DPH6: variants seen among roughly 807,000 people sequenced by gnomAD.
DPH6 encodes diphthine--ammonia ligase.
Under a neutral mutation model 38.2 loss-of-function variants are expected in DPH6, and 33 were observed. The ratio of observed to expected loss-of-function variants is 0.86; its 90% CI spans 0.65 to 1.15. The LOEUF (loss-of-function observed/expected upper bound fraction) is 1.15, where lower values mean the gene tolerates loss of function less well. Ranked by LOEUF, DPH6 falls within the 50% of genes most tolerant of loss-of-function variation. The probability of loss-of-function intolerance (pLI) is 0.00; values close to 1 mark genes in which losing one functional copy is unlikely to be tolerated. For missense variants in DPH6, 325 were observed against 320.0 expected (o/e 1.02, Z -0.12); for synonymous variants, 108 against 103.0 (o/e 1.05, Z -0.30).
intron 3 of DPH6, among the ~76,000 whole-genome samples, chr15:35,314,605 GACA>G (rs1435761653): frequency 6.6e-6 from 1 of 152,112 alleles, no homozygotes; most frequent in African/African-American, 2.4e-5. Flanking sequence ...GTCGGAAGTT[GACA>G]ACAACAGAGA....
the DPH6 span, among the ~76,000 whole-genome samples, chr15:35,155,432 G>A: frequency 1.1e-4 from 17 of 152,302 alleles, no homozygotes; most frequent in African/African-American, 2.9e-4. Flanking sequence ...AATCCTTAGA[G>A]ATTAAGGGTT....
chr15:35,215,284 T>C (rs149471769), downstream of DPH6, among the ~76,000 whole-genome samples: 2 of 152,340 alleles, frequency 1.3e-5, no homozygotes, highest in East Asian at 3.9e-4. Context: ...CAGATGATTG[T>C]CTAGATGTCA....
intron 3 of DPH6, among the ~76,000 whole-genome samples, chr15:35,288,951 C>T (rs934071773): frequency 1.8e-4 from 28 of 152,112 alleles, no homozygotes; most frequent in Non-Finnish European, 2.1e-4. Context: ...GGAAACTACA[C>T]ATCACCAAAA....
At chr15:35,180,622 A>C in the DPH6 span, among the ~76,000 whole-genome samples, 1 of 152,082 alleles carries the variant, frequency 6.6e-6, no homozygotes, top group Non-Finnish European at 1.5e-5. Flanking sequence ...CACCATGCCC[A>C]GATAAGTTTT....
chr15:35,256,771 A>G (rs1484783042), intron 3 of DPH6, among the ~76,000 whole-genome samples: 1 of 152,178 alleles, frequency 6.6e-6, no homozygotes, highest in Non-Finnish European at 1.5e-5. Flanking sequence ...ATGGAAGAAC[A>G]TACATCCTGA....
At chr15:35,400,600 G>A (rs2053204440) in intron 6 of DPH6, 1 of 442,150 alleles carries the variant, frequency 2.3e-6, no homozygotes, top group African/African-American at 2.0e-5. Flanking sequence ...TATAAACCTT[G>A]ACTAACATTT....
chr15:35,223,405 G>A (rs1368641400), intron 3 of DPH6, among the ~76,000 whole-genome samples: 2 of 152,168 alleles, frequency 1.3e-5, no homozygotes, highest in African/African-American at 4.8e-5. Flanking sequence ...TAGCAATGAA[G>A]GCCGGGTGCC....
At chr15:35,146,723 T>A in the DPH6 span, among the ~76,000 whole-genome samples, 3 of 152,170 alleles carry the variant, frequency 2.0e-5, no homozygotes, top group Non-Finnish European at 4.4e-5. Context: ...TTATTATCAT[T>A]GTGTCTGGGC....
intron 6 of DPH6, among the ~76,000 whole-genome samples, chr15:35,402,164 A>G (rs1333564935): frequency 1.3e-5 from 2 of 152,186 alleles, no homozygotes; most frequent in Non-Finnish European, 2.9e-5. Context: ...TTTCCCCAAC[A>G]GTGTGAAGTT....
At chr15:35,520,414 A>G (rs528825323) in intron 3 of DPH6, 1 of 983,022 alleles carries the variant, frequency 1.0e-6, no homozygotes, top group South Asian at 4.7e-5. Context: ...AACAATAGTC[A>G]TGAATCTTAC....
the DPH6 span, among the ~76,000 whole-genome samples, chr15:35,194,223 T>C: frequency 6.6e-6 from 1 of 152,166 alleles, no homozygotes; most frequent in Non-Finnish European, 1.5e-5. Flanking sequence ...CTCATTTATG[T>C]TGCCCAGAAA....
At chr15:35,392,185 ATTAC>A (rs1382503950) in intron 6 of DPH6, among the ~76,000 whole-genome samples, 1 of 152,158 alleles carries the variant, frequency 6.6e-6, no homozygotes, top group African/African-American at 2.4e-5. Context: ...TTAAAAAGAA[ATTAC>A]TTACATGAAT....
intron 3 of DPH6, among the ~76,000 whole-genome samples, chr15:35,536,510 C>T (rs2055172061): frequency 6.6e-6 from 1 of 151,960 alleles, no homozygotes; most frequent in Non-Finnish European, 1.5e-5. Flanking sequence ...ATCCATTTCT[C>T]CAAAGACAGC....
At chr15:35,203,446 C>T in the DPH6 span, among the ~76,000 whole-genome samples, 1 of 151,678 alleles carries the variant, frequency 6.6e-6, no homozygotes, top group African/African-American at 2.4e-5. Flanking sequence ...TAAATATTCT[C>T]ATTACAATCA....
chr15:35,222,069 T>A (rs909183819), intron 3 of DPH6, among the ~76,000 whole-genome samples: 1 of 152,130 alleles, frequency 6.6e-6, no homozygotes, highest in Non-Finnish European at 1.5e-5. Context: ...TTTCTGAGAG[T>A]TCATTAGAAT....
Position 35,340,142 on chromosome 15 carries a change from T to C in DPH6, n.208-9065A>G, listed in dbSNP as rs1327803521. Among the ~76,000 whole-genome samples, 6 of 152,304 alleles carry C rather than the reference T, an allele frequency of 3.9e-5. No homozygotes were observed. The East Asian group carries it at 1.2e-3, about 29-fold the overall frequency. On this transcript the variant is annotated intron_variant and non_coding_transcript_variant, in intron 3 of 3. Transcript: ENST00000558973. ...TTTACCATTATGTAATGCCCTTCTT[T>C]GTGTTTTTTGATCTTTGTTGGTTTA... is the stretch of plus-strand genomic sequence containing the variant.
intron 3 of DPH6, among the ~76,000 whole-genome samples, chr15:35,475,825 T>C (rs2054257383): frequency 6.6e-6 from 1 of 150,978 alleles, no homozygotes; most frequent in South Asian, 2.1e-4. Context: ...TAATAGTAAA[T>C]ATAAACAAAA....
chr15:35,220,743 T>G (rs540295373), intron 3 of DPH6, among the ~76,000 whole-genome samples: 135 of 152,248 alleles, frequency 8.9e-4, no homozygotes, highest in African/African-American at 3.2e-3. Context: ...TAATTAAATT[T>G]CAACATGACT....
At chr15:35,501,751 T>C (rs868716972) in intron 3 of DPH6, among the ~76,000 whole-genome samples, 19 of 152,280 alleles carry the variant, frequency 1.2e-4, no homozygotes, top group Middle Eastern at 3.4e-3. Context: ...AGAGAAAATG[T>C]AGAAGGTCAT....
Sources: allele counts gnomAD v4.1 joint callset (sites outside exome capture counted in the v4.1 genomes callset), GRCh38; gene constraint gnomAD v4.1.1; transcripts MANE v1.5; gene names NCBI Gene and HGNC (gene_info 2026-07-23, HGNC 2026-07-21).